The following DSCAM variants were observed in gnomAD, a reference collection of about 807,000 sequenced individuals.
DSCAM encodes the protein cell adhesion molecule DSCAM.
A neutral mutation model predicts 217.7 loss-of-function variants in DSCAM; 47 were observed. That is an observed-to-expected ratio of 0.22 (90% CI 0.17 to 0.28). DSCAM has a LOEUF of 0.28. DSCAM is among the 10% of genes least tolerant of loss of function. DSCAM has a pLI of 1.00. For missense variants in DSCAM, 2,080 were observed against 2,618.3 expected, an observed-to-expected ratio of 0.79 and a Z score of 4.49; for synonymous variants, 1,056 against 1,015.3, an observed-to-expected ratio of 1.04 and a Z score of -0.76.
At chr21:40,421,374 G>A (rs1287436380) in intron 3 of DSCAM, among the ~76,000 whole-genome samples, 1 of 152,228 alleles carries the variant, frequency 6.6e-6, no homozygotes, top group African/African-American at 2.4e-5. Context: ...GGTAAGCATA[G>A]TCATAGGCAA....
intron 11 of DSCAM, among the ~76,000 whole-genome samples, chr21:40,247,163 A>C (rs1169749967): frequency 1.3e-5 from 2 of 152,142 alleles, no homozygotes; most frequent in African/African-American, 4.8e-5. Flanking sequence ...AACACATGGG[A>C]ATTCTGGGAG....
At chr21:40,476,174 T>A (rs2837647) in intron 3 of DSCAM, among the ~76,000 whole-genome samples, 3 of 151,864 alleles carry the variant, frequency 2.0e-5, no homozygotes, top group African/African-American at 7.3e-5. Flanking sequence ...GCCAGAAACG[T>A]CCTTGTATTT....
intron 19 of DSCAM, among the ~76,000 whole-genome samples, chr21:40,130,346 C>T (rs556324448): frequency 3.4e-4 from 52 of 152,294 alleles, no homozygotes; most frequent in Non-Finnish European, 6.6e-4. Flanking sequence ...AGTCGTCCTT[C>T]GTGTTTCTGC....
At chr21:40,338,401 G>A (rs2074451481) in intron 7 of DSCAM, 25 bp from the exon 8 acceptor site, 2 of 1,598,756 alleles carry the variant, frequency 1.3e-6, no homozygotes, top group Admixed American at 1.7e-5. Flanking sequence ...AGAAACTCTT[G>A]AAAATAATTT....
intron 3 of DSCAM, among the ~76,000 whole-genome samples, chr21:40,613,003 A>G (rs1353873059): frequency 6.6e-6 from 1 of 152,078 alleles, no homozygotes; most frequent in East Asian, 1.9e-4. Context: ...TTGGCTCAAG[A>G]GTATTGGTGG....
At chr21:40,843,297 C>T (rs971684106) in intron 1 of DSCAM, among the ~76,000 whole-genome samples, 1 of 151,972 alleles carries the variant, frequency 6.6e-6, no homozygotes, top group Non-Finnish European at 1.5e-5. Flanking sequence ...GACCCTCAGG[C>T]CCCATGAAAG....
intron 11 of DSCAM, among the ~76,000 whole-genome samples, chr21:40,213,271 C>T (rs2091203327): frequency 6.6e-6 from 1 of 152,134 alleles, no homozygotes. Flanking sequence ...TTAATCACCC[C>T]AGAAGCATGG....
chr21:40,069,459 C>T (rs998160203), intron 27 of DSCAM, among the ~76,000 whole-genome samples: 17 of 152,230 alleles, frequency 1.1e-4, no homozygotes, highest in Non-Finnish European at 1.5e-5. Context: ...TGGCCCCAGG[C>T]ACTGCAGCTG....
chr21:40,049,034 G>A (rs544185068), intron 30 of DSCAM, among the ~76,000 whole-genome samples: 100 of 152,264 alleles, frequency 6.6e-4, no homozygotes, highest in African/African-American at 2.2e-3. Context: ...AAATTAATAC[G>A]CTCAATTTGG....
At chr21:40,535,396 C>T (rs1422706366) in intron 3 of DSCAM, among the ~76,000 whole-genome samples, 1 of 152,124 alleles carries the variant, frequency 6.6e-6, no homozygotes, top group Admixed American at 6.5e-5. Context: ...GTGTTCAGAT[C>T]CTGGCAAATG....
chr21:40,391,106 T>C (rs2075129933), intron 3 of DSCAM, among the ~76,000 whole-genome samples: 1 of 152,226 alleles, frequency 6.6e-6, no homozygotes, highest in African/African-American at 2.4e-5. Flanking sequence ...ATGAAATCAT[T>C]GTGCTCCTTA....
intron 11 of DSCAM, among the ~76,000 whole-genome samples, chr21:40,266,129 T>C (rs775314519): frequency 3.3e-5 from 5 of 152,058 alleles, no homozygotes; most frequent in Admixed American, 6.5e-5. Context: ...ATATCCGCAA[T>C]CTACAAACTC....
chr21:40,635,878 C>A (rs1021312016), intron 3 of DSCAM, among the ~76,000 whole-genome samples: 1 of 152,004 alleles, frequency 6.6e-6, no homozygotes, highest in Admixed American at 6.6e-5. Flanking sequence ...GTTGCTGACT[C>A]AAATAGAGAA....
At chr21:40,122,492 C>T (rs1233951249) in intron 20 of DSCAM, among the ~76,000 whole-genome samples, 2 of 152,146 alleles carry the variant, frequency 1.3e-5, no homozygotes, top group African/African-American at 4.8e-5. Context: ...TACTTTATTT[C>T]AGCAATAATT....
intron 3 of DSCAM, among the ~76,000 whole-genome samples, chr21:40,571,996 T>G (rs545919270): frequency 6.6e-6 from 1 of 152,276 alleles, no homozygotes; most frequent in African/African-American, 2.4e-5. Context: ...ATAATGCAAA[T>G]GCAAATTCAA....
chr21:40,581,501 G>T (rs1285898941), intron 3 of DSCAM, among the ~76,000 whole-genome samples: 1 of 152,288 alleles, frequency 6.6e-6, no homozygotes, highest in African/African-American at 2.4e-5. Context: ...ACCCAGGTTT[G>T]TCTTATTCCA....
intron 3 of DSCAM, among the ~76,000 whole-genome samples, chr21:40,659,352 A>T (rs2090110889): frequency 8.9e-6 from 1 of 111,986 alleles, no homozygotes; most frequent in Non-Finnish European, 1.9e-5. Context: ...TGATCAGATG[A>T]GTATCTATCT....
intron 3 of DSCAM, among the ~76,000 whole-genome samples, chr21:40,411,079 C>A (rs1334317082): frequency 6.6e-6 from 1 of 151,484 alleles, no homozygotes; most frequent in South Asian, 2.1e-4. Context: ...AAAATAGTAG[C>A]AAGTCTAGCA....
chr21:40,166,973 T>G (rs1022337838), intron 16 of DSCAM, among the ~76,000 whole-genome samples: 68 of 127,454 alleles, frequency 5.3e-4, no homozygotes, highest in Non-Finnish European at 5.2e-4. Flanking sequence ...TAGACCTTGA[T>G]CAAGATTCAA....
Sources: gnomAD v4.1 joint callset for allele counts (sites outside exome capture counted in the v4.1 genomes callset) on GRCh38, gnomAD v4.1.1 for gene constraint, MANE v1.5 for transcripts, NCBI Gene and HGNC (gene_info 2026-07-23, HGNC 2026-07-21) for gene names.